ASCC1: variants seen among roughly 807,000 people sequenced by gnomAD.
ASCC1 encodes the protein ASC-1 complex subunit P50.
ASCC1 carries 35 observed loss-of-function variants against 46.6 expected under a neutral mutation model. The observed-to-expected ratio is 0.75, with a 90% confidence interval of 0.57 to 0.99. ASCC1 has a LOEUF of 0.99. ASCC1 is among the 50% of genes least tolerant of loss of function. The pLI, the probability that ASCC1 is intolerant of heterozygous loss-of-function variation, is 0.00. For synonymous variants in ASCC1, 143 were observed against 146.6 expected (o/e 0.98, Z 0.18); for missense variants, 376 against 428.7 (o/e 0.88, Z 1.09).
At chr10:72,123,257 T>C (rs1008176402) in intron 9 of ASCC1, among the ~76,000 whole-genome samples, 1 of 149,362 alleles carries the variant, frequency 6.7e-6, no homozygotes, top group Admixed American at 6.7e-5. Flanking sequence ...GAGAATGGCA[T>C]GAACCCGGGA....
chr10:72,190,125 A>G (rs1167348278), intron 5 of ASCC1: 2 of 760,590 alleles, frequency 2.6e-6, no homozygotes, highest in Non-Finnish European at 4.8e-6. Flanking sequence ...TACATTATAT[A>G]TAGGATTCAT....
chr10:72,156,826 GAA>G (rs986909396), intron 6 of ASCC1, among the ~76,000 whole-genome samples: 22 of 151,418 alleles, frequency 1.5e-4, no homozygotes, highest in African/African-American at 5.1e-4. Flanking sequence ...AAGACAGCTG[GAA>G]AAAAAGGAAA....
intron 7 of ASCC1, among the ~76,000 whole-genome samples, chr10:72,150,956 G>C (rs1240169705): frequency 6.6e-6 from 1 of 152,214 alleles, no homozygotes; most frequent in Non-Finnish European, 1.5e-5. Context: ...ACAGGTGCTG[G>C]AGAGGATGTG....
Position 72,096,128 on chromosome 10 carries a change from G to T in ASCC1, c.*1206C>A, listed in dbSNP as rs1417939958. On this transcript the variant is annotated 3_prime_UTR_variant, in exon 10 of 10. Transcript: ENST00000672957. ...TCACAATGTAGCAACTTAACACAGA[G>T]TTCAGAAGTGCAGTTAAAGAATATA... 2.2e-5 allele frequency: 10 copies of T among 453,998 alleles called. No individual in the cohort carries two copies. The highest frequency in any genetic ancestry group is 4.4e-5 in the Non-Finnish European group (10 of 226,794). The allele number at this position is 453,998 out of a possible 1,614,324, so 28.1% of individuals were successfully genotyped here.
At chr10:72,194,149 G>A (rs1275867395) in intron 5 of ASCC1, among the ~76,000 whole-genome samples, 2 of 151,902 alleles carry the variant, frequency 1.3e-5, no homozygotes, top group African/African-American at 4.8e-5. Flanking sequence ...CTCCCAAAGT[G>A]CTGGGATTAC....
intron 8 of ASCC1, 47 bp from the exon 9 acceptor site, chr10:72,128,214 G>A (rs1257074391): frequency 1.3e-6 from 2 of 1,539,378 alleles, no homozygotes; most frequent in Admixed American, 3.3e-5. Context: ...TTGATTGGTT[G>A]TTTTCTCTTG....
intron 9 of ASCC1, among the ~76,000 whole-genome samples, chr10:72,101,282 T>C (rs1240991710): frequency 3.9e-5 from 6 of 152,174 alleles, no homozygotes; most frequent in Non-Finnish European, 5.9e-5. Context: ...TGTATGTATG[T>C]TCTACTTTAA....
At chr10:72,100,469 C>A (rs531769881) in intron 9 of ASCC1, among the ~76,000 whole-genome samples, 23 of 152,196 alleles carry the variant, frequency 1.5e-4, no homozygotes, top group Admixed American at 6.5e-4. Flanking sequence ...TCAGGTGGTC[C>A]GCCTGCCTTG....
intron 9 of ASCC1, among the ~76,000 whole-genome samples, chr10:72,116,937 A>T (rs900714199): frequency 1.3e-5 from 2 of 151,924 alleles, no homozygotes; most frequent in Admixed American, 6.6e-5. Context: ...TATATTTTAA[A>T]TTTTTTATTT....
chr10:72,212,832 A>G (rs1054537869), intron 2 of ASCC1, among the ~76,000 whole-genome samples: 5 of 152,134 alleles, frequency 3.3e-5, no homozygotes, highest in African/African-American at 9.7e-5. Flanking sequence ...TAGGTGACAG[A>G]GCAAGACTCC....
chr10:72,131,971 C>A (rs1431115649), intron 8 of ASCC1, among the ~76,000 whole-genome samples: 2 of 149,784 alleles, frequency 1.3e-5, no homozygotes, highest in Non-Finnish European at 2.9e-5. Context: ...CAGGTTCAAG[C>A]GATTGTCTTG....
intron 5 of ASCC1, among the ~76,000 whole-genome samples, chr10:72,166,509 A>AG (rs1335844523): frequency 6.6e-6 from 1 of 151,540 alleles, no homozygotes; most frequent in Non-Finnish European, 1.5e-5. Context: ...TACAAAAAAA[A>AG]AACAAAACCC....
chr10:72,184,357 G>A (rs1853130925), intron 5 of ASCC1, among the ~76,000 whole-genome samples: 1 of 152,042 alleles, frequency 6.6e-6, no homozygotes, highest in Admixed American at 6.6e-5. Flanking sequence ...AAAAGGTAGA[G>A]ATGTCAGACT....
intron 9 of ASCC1, chr10:72,102,555 AGTTT>A: frequency 1.5e-6 from 1 of 677,600 alleles, no homozygotes; most frequent in Non-Finnish European, 2.6e-6. Flanking sequence ...TATTTCCTCT[AGTTT>A]GTCACTTGTC....
chr10:72,214,793 A>G (rs1316457526), intron 1 of ASCC1, among the ~76,000 whole-genome samples: 4 of 152,184 alleles, frequency 2.6e-5, no homozygotes, highest in Non-Finnish European at 1.5e-5. Flanking sequence ...CATACCAAAC[A>G]ATCAGTTCCA....
In ASCC1 at chr10:72,146,757, T is replaced by A. The variant is rs576886067; in HGVS notation, c.746+6112A>T. 2.6e-5 allele frequency among the ~76,000 whole-genome samples: 4 copies of A among 152,244 alleles called. No individual in the cohort carries two copies. The South Asian group carries it at 8.3e-4, about 32-fold the overall frequency. Reference sequence around the variant, plus strand: ...CAGCTCTCTGTTTCCAGAGAACAAATCTGATCTAAGTGGTTACGTCCTTTT... The same window carrying A: ...CAGCTCTCTGTTTCCAGAGAACAAAACTGATCTAAGTGGTTACGTCCTTTT... On this transcript the variant is annotated intron_variant, in intron 7 of 9. Transcript: ENST00000672957.
chr10:72,195,345 T>C (rs1207097194), intron 5 of ASCC1, among the ~76,000 whole-genome samples: 2 of 151,472 alleles, frequency 1.3e-5, no homozygotes, highest in African/African-American at 4.8e-5. Flanking sequence ...AGGGTTTTGC[T>C]GCTATGTTAC....
At chr10:72,131,504 G>A (rs907066518) in intron 8 of ASCC1, among the ~76,000 whole-genome samples, 4 of 149,538 alleles carry the variant, frequency 2.7e-5, no homozygotes, top group Non-Finnish European at 4.4e-5. Flanking sequence ...CAAAGTTTTG[G>A]ATTCTATTAC....
In ASCC1 at chr10:72,128,050, A is replaced by G. The variant is rs766010746; in HGVS notation, c.957+32T>C. 7.8e-6 allele frequency: 12 copies of G among 1,544,450 alleles called. No homozygotes were observed. The Admixed American group carries it at 1.8e-4, about 24-fold the overall frequency. On this transcript the variant is annotated intron_variant, in intron 9 of 9. Coordinates refer to ENST00000672957, the MANE Select transcript of ASCC1 (RefSeq NM_001198800.3). ...CTGCCTTATTTAGGACATGTGCCAA[A>G]GGATTTCCAATTCACTCTGCTTCAT...
Sources: allele counts gnomAD v4.1 joint callset (sites outside exome capture counted in the v4.1 genomes callset), GRCh38; gene constraint gnomAD v4.1.1; transcripts MANE v1.5; gene names NCBI Gene and HGNC (gene_info 2026-07-23, HGNC 2026-07-21).